The following TIAM1 variants were observed in gnomAD, a reference collection of about 807,000 sequenced individuals.
TIAM1 encodes the protein TIAM Rac1 associated GEF 1, also known as rho guanine nucleotide exchange factor TIAM1.
Under a neutral mutation model 163.5 loss-of-function variants are expected in TIAM1, and 65 were observed. That is an observed-to-expected ratio of 0.40 (90% CI 0.33 to 0.49). The LOEUF (loss-of-function observed/expected upper bound fraction) is 0.49, where lower values mean the gene tolerates loss of function less well. Among genes scored for constraint, TIAM1 ranks in the 20% least tolerant of loss-of-function variants. The pLI is 0.77. For missense variants in TIAM1, 1,789 were observed against 2,044.7 expected (o/e 0.87, Z 2.41); for synonymous variants, 833 against 810.1 (o/e 1.03, Z -0.48).
chr21:31,335,808 G>A (rs150633567), intron 2 of TIAM1, among the ~76,000 whole-genome samples: 7 of 151,554 alleles, frequency 4.6e-5, no homozygotes, highest in South Asian at 2.2e-4. Context: ...ATTCACAACC[G>A]GAGGTCAAGA....
At chr21:31,542,537 C>T (rs1395639429) in intron 1 of TIAM1, among the ~76,000 whole-genome samples, 1 of 152,196 alleles carries the variant, frequency 6.6e-6, no homozygotes, top group African/African-American at 2.4e-5. Context: ...TCTATTTCTA[C>T]TTGCCCCCCA....
chr21:31,352,379 T>C (rs772677668), intron 2 of TIAM1, among the ~76,000 whole-genome samples: 1 of 152,118 alleles, frequency 6.6e-6, no homozygotes, highest in Non-Finnish European at 1.5e-5. Context: ...TGGACATAGA[T>C]AGTGGTGATG....
At chr21:31,150,928 GAACA>G (rs2083342102) in intron 19 of TIAM1, among the ~76,000 whole-genome samples, 2 of 152,140 alleles carry the variant, frequency 1.3e-5, no homozygotes, top group Non-Finnish European at 1.5e-5. Flanking sequence ...CAAATTATTT[GAACA>G]AACACTTCAC....
At chr21:31,227,559 A>C (rs1294654911) in intron 6 of TIAM1, among the ~76,000 whole-genome samples, 1 of 152,208 alleles carries the variant, frequency 6.6e-6, no homozygotes, top group Non-Finnish European at 1.5e-5. Context: ...CCACCTGATA[A>C]AGCAAATGGA....
chr21:31,198,911 A>T (rs1394805641), intron 12 of TIAM1, among the ~76,000 whole-genome samples: 1 of 152,240 alleles, frequency 6.6e-6, no homozygotes, highest in Non-Finnish European at 1.5e-5. Context: ...TTTAGTGAAC[A>T]AAACTAAAAC....
At chr21:31,484,870 G>T (rs1468513449) in intron 1 of TIAM1, among the ~76,000 whole-genome samples, 5 of 152,170 alleles carry the variant, frequency 3.3e-5, no homozygotes, top group African/African-American at 1.2e-4. Context: ...GAGGTGACTG[G>T]GTAGGAGGGC....
At chr21:31,131,824 T>C (rs2082420739) in intron 23 of TIAM1, among the ~76,000 whole-genome samples, 1 of 152,206 alleles carries the variant, frequency 6.6e-6, no homozygotes, top group Admixed American at 6.5e-5. Flanking sequence ...CTGAGGACTC[T>C]GTCCTCATGA....
intron 7 of TIAM1, among the ~76,000 whole-genome samples, chr21:31,225,524 G>A (rs543691924): frequency 1.7e-4 from 26 of 151,960 alleles, no homozygotes; most frequent in African/African-American, 5.8e-4. Flanking sequence ...ATGTAATATT[G>A]TTCCGTTTAG....
chr21:31,283,649 A>G (rs2073670209), intron 2 of TIAM1, among the ~76,000 whole-genome samples: 1 of 152,054 alleles, frequency 6.6e-6, no homozygotes, highest in East Asian at 1.9e-4. Context: ...GATTCAAGCA[A>G]TTCTCCTGCC....
chr21:31,144,222 A>C (rs947252790), intron 20 of TIAM1, among the ~76,000 whole-genome samples: 1 of 152,240 alleles, frequency 6.6e-6, no homozygotes, highest in African/African-American at 2.4e-5. Context: ...ATGTGACAGG[A>C]GAGCTGGGCC....
chr21:31,131,022 G>A, intron 23 of TIAM1, 74 bp from the exon 24 acceptor site: 1 of 1,271,456 alleles, frequency 7.9e-7, no homozygotes, highest in Non-Finnish European at 1.1e-6. Flanking sequence ...CCAACTTGTG[G>A]TAATAAACAC....
intron 4 of TIAM1, among the ~76,000 whole-genome samples, chr21:31,260,417 T>C (rs898681194): frequency 2.0e-5 from 3 of 151,572 alleles, no homozygotes; most frequent in East Asian, 1.9e-4. Flanking sequence ...TTTGTATTTT[T>C]AGTAGAGACG....
At chr21:31,341,496 G>C (rs974633248) in intron 1 of TIAM1, among the ~76,000 whole-genome samples, 5 of 152,178 alleles carry the variant, frequency 3.3e-5, no homozygotes, top group African/African-American at 4.8e-5. Context: ...TGTCGTACAA[G>C]GTAAATCTGT....
At chr21:31,344,769 G>C (rs540472354), upstream of TIAM1, among the ~76,000 whole-genome samples, 96 of 152,240 alleles carry the variant, frequency 6.3e-4, no homozygotes, top group Non-Finnish European at 1.1e-3. Flanking sequence ...ACATATATTT[G>C]AAAAGAATAT....
chr21:31,489,898 A>G (rs1225030480), intron 1 of TIAM1, among the ~76,000 whole-genome samples: 1 of 152,218 alleles, frequency 6.6e-6, no homozygotes, highest in Non-Finnish European at 1.5e-5. Flanking sequence ...CCGGATCATT[A>G]CAATTGTCTT....
At position 31,395,401 on chromosome 21, in the gene TIAM1, C is replaced by T. The variant is rs545090804; in HGVS notation, c.-368-55979G>A. On this transcript the variant is annotated intron_variant, in intron 2 of 28. Coordinates refer to the TIAM1 transcript ENST00000286827. The surrounding 1 kb of genome is among the most constrained non-coding windows in gnomAD (Gnocchi z 7.5). ...AAGCAGTCCACTGGGGACACGGTGCCGCTGCAGCCATGTGACAATAAGGAT... is the reference window on the plus strand; with the variant it reads ...AAGCAGTCCACTGGGGACACGGTGCTGCTGCAGCCATGTGACAATAAGGAT... Among the ~76,000 whole-genome samples, 92 of 152,236 alleles carry T rather than the reference C, an allele frequency of 6.0e-4. No homozygotes were observed. Among genetic ancestry groups the T allele is most frequent in the African/African-American group, 1.3e-3 (56 of 41,550 alleles).
At chr21:31,440,825 G>A (rs2044392605) in intron 2 of TIAM1, among the ~76,000 whole-genome samples, 1 of 152,172 alleles carries the variant, frequency 6.6e-6, no homozygotes, top group African/African-American at 2.4e-5. Context: ...AGGTTGCAGT[G>A]AGCAGAGATC....
At chr21:31,267,710 G>C (rs1202294917) in intron 3 of TIAM1, among the ~76,000 whole-genome samples, 1 of 151,884 alleles carries the variant, frequency 6.6e-6, no homozygotes, top group East Asian at 1.9e-4. Context: ...GGAGGGCTAT[G>C]GAGGGGTGGT....
At chr21:31,509,311 C>T (rs1569398359) in intron 1 of TIAM1, among the ~76,000 whole-genome samples, 1 of 152,232 alleles carries the variant, frequency 6.6e-6, no homozygotes, top group East Asian at 1.9e-4. Flanking sequence ...GGGAAGCCTC[C>T]TGAATATGAC....
Sources: gnomAD v4.1 joint callset for allele counts (sites outside exome capture counted in the v4.1 genomes callset) on GRCh38, gnomAD v4.1.1 for gene constraint, Gnocchi (gnomAD v3.1) non-coding constraint, MANE v1.5 for transcripts, NCBI Gene and HGNC (gene_info 2026-07-23, HGNC 2026-07-21) for gene names.